Variants in ROBO1 observed in about 807,000 individuals in gnomAD.
The protein encoded by ROBO1 is roundabout guidance receptor 1, also known as roundabout homolog 1.
Under a neutral mutation model 195.9 loss-of-function variants are expected in ROBO1, and 149 were observed. That is an observed-to-expected ratio of 0.76 (90% CI 0.67 to 0.87). The LOEUF is 0.87. Among genes scored for constraint, ROBO1 ranks in the 40% least tolerant of loss-of-function variants. ROBO1 has a pLI of 0.00. For synonymous variants in ROBO1, 816 were observed against 733.2 expected (o/e 1.11, Z -1.82); for missense variants, 1,933 against 2,068.3 (o/e 0.93, Z 1.27).
intron 2 of ROBO1, among the ~76,000 whole-genome samples, chr3:79,481,771 T>C (rs925102761): frequency 2.2e-4 from 34 of 152,296 alleles, no homozygotes; most frequent in African/African-American, 7.9e-4. Flanking sequence ...AAGCTGAACA[T>C]AGTTCAGAAG....
intron 8 of ROBO1, among the ~76,000 whole-genome samples, chr3:78,701,923 T>A (rs1475552547): frequency 1.3e-5 from 2 of 152,218 alleles, no homozygotes; most frequent in African/African-American, 4.8e-5. Context: ...GTGTTTATAC[T>A]GGCACATTAT....
intron 1 of ROBO1, among the ~76,000 whole-genome samples, chr3:79,664,925 TC>T (rs1946433213): frequency 6.6e-6 from 1 of 152,146 alleles, no homozygotes; most frequent in East Asian, 1.9e-4. Context: ...TTAGATACTT[TC>T]TGTATTATGT....
chr3:79,459,713 A>G (rs2039737837), intron 2 of ROBO1, among the ~76,000 whole-genome samples: 1 of 152,122 alleles, frequency 6.6e-6, no homozygotes, highest in Admixed American at 6.5e-5. Context: ...AAAATGATCT[A>G]TATTTTAAGA....
intron 3 of ROBO1, among the ~76,000 whole-genome samples, chr3:79,104,585 A>T (rs979190120): frequency 6.6e-6 from 1 of 151,656 alleles, no homozygotes; most frequent in African/African-American, 2.4e-5. Context: ...TTTAAGATGC[A>T]TGAGTCACTT....
chr3:79,317,745 C>T (rs1336257694), intron 2 of ROBO1, among the ~76,000 whole-genome samples: 1 of 152,066 alleles, frequency 6.6e-6, no homozygotes, highest in Non-Finnish European at 1.5e-5. Context: ...AATAGTTCTT[C>T]CCTCTGGGCC....
intron 1 of ROBO1, among the ~76,000 whole-genome samples, chr3:79,742,484 C>T (rs79692718): frequency 0.024 from 3,714 of 152,112 alleles, 70 homozygotes; most frequent in Non-Finnish European, 0.036. Context: ...GATGAACAGA[C>T]GGCAAGACTC....
At chr3:79,701,193 T>G (rs937529259) in intron 1 of ROBO1, among the ~76,000 whole-genome samples, 2 of 151,804 alleles carry the variant, frequency 1.3e-5, no homozygotes, top group African/African-American at 2.4e-5. Flanking sequence ...ATGTCTGTCT[T>G]TATACTGGTA....
chr3:79,715,161 GA>G (rs1322429661), intron 1 of ROBO1, among the ~76,000 whole-genome samples: 1 of 152,018 alleles, frequency 6.6e-6, no homozygotes, highest in Non-Finnish European at 1.5e-5. Context: ...AAACACTGTT[GA>G]AATGACAACA....
chr3:79,065,415 G>A (rs893533253), intron 3 of ROBO1, among the ~76,000 whole-genome samples: 1 of 151,912 alleles, frequency 6.6e-6, no homozygotes, highest in African/African-American at 2.4e-5. Flanking sequence ...CGATCTGTGA[G>A]CATCCTTAGT....
At chr3:79,385,780 T>TA (rs891833648) in intron 2 of ROBO1, among the ~76,000 whole-genome samples, 7 of 152,068 alleles carry the variant, frequency 4.6e-5, no homozygotes, top group East Asian at 1.9e-4. Flanking sequence ...AAACATTTAA[T>TA]AAAAAAACAT....
intron 2 of ROBO1, among the ~76,000 whole-genome samples, chr3:79,328,422 A>C (rs1165185551): frequency 6.6e-6 from 1 of 152,170 alleles, no homozygotes; most frequent in Non-Finnish European, 1.5e-5. Flanking sequence ...TTTAATATTT[A>C]AAATAAAATG....
At chr3:79,428,359 AT>A (rs961788903) in intron 2 of ROBO1, among the ~76,000 whole-genome samples, 4 of 152,250 alleles carry the variant, frequency 2.6e-5, no homozygotes. Flanking sequence ...TACCTTATGC[AT>A]TCTTTTGATA....
intron 2 of ROBO1, among the ~76,000 whole-genome samples, chr3:79,488,757 A>G (rs1255096322): frequency 6.6e-6 from 1 of 152,180 alleles, no homozygotes; most frequent in Non-Finnish European, 1.5e-5. Context: ...GCAAGTTAGG[A>G]AAAAAGCAAA....
In ROBO1 at chr3:79,489,651, C is replaced by CAAAA. The variant is rs11328226; in HGVS notation, c.88+100169_88+100172dup. Among the ~76,000 whole-genome samples the CAAAA allele has an allele frequency of 2.5e-4, 22 of 88,406 alleles. 1 individual carries two copies. Among genetic ancestry groups the CAAAA allele is most frequent in the East Asian group, 8.2e-4 (2 of 2,436 alleles). The allele number at this position is 88,406 out of a possible 152,430, so 58.0% of individuals were successfully genotyped here. A position where few individuals can be genotyped will look rare whatever the true frequency, so the allele number is the denominator to read the frequency against. ...GCCTGGGGAGAGTGAGACTTCATCT[C>CAAAA]AAAAAAAAAAAAAAAAAAGAAAGAA... On this transcript the variant is annotated intron_variant, in intron 2 of 30. Coordinates refer to ENST00000464233, the MANE Select transcript of ROBO1 (RefSeq NM_002941.4).
chr3:79,406,387 C>T lies in ROBO1; in HGVS notation c.88+183437G>A, dbSNP rs556374885. Among the ~76,000 whole-genome samples, 8 of 151,432 alleles carry T rather than the reference C, an allele frequency of 5.3e-5. No homozygotes were observed. The South Asian group carries it at 8.4e-4, about 16-fold the overall frequency. The stretch of plus-strand genomic sequence containing the variant: ...GTCAATGCTACAGTGAGCTAGGTGG[C>T]GCCACTGCACCCCAGACTGGGTGGC... On this transcript the variant is annotated intron_variant, in intron 2 of 30. Transcript: ENST00000464233.
intron 2 of ROBO1, among the ~76,000 whole-genome samples, chr3:79,189,982 C>G (rs989299115): frequency 6.6e-6 from 1 of 151,632 alleles, no homozygotes; most frequent in African/African-American, 2.4e-5. Context: ...GATTTCTATA[C>G]TATACATCCC....
At chr3:78,759,757 A>G (rs928270516) in intron 4 of ROBO1, among the ~76,000 whole-genome samples, 1 of 152,074 alleles carries the variant, frequency 6.6e-6, no homozygotes, top group African/African-American at 2.4e-5. Context: ...AACATTTTCT[A>G]TTTTTGCTGC....
rs761728831 is a variant in ROBO1, at chr3:78,670,162, G to T, written c.1482C>A (p.Leu494=). The part of the protein sequence containing the change: ...PTILWRKDGV[L]VSTQDSRIKQ... ...TGATTCGAGAGTCTTGGGTTGAAAC[G>T]AGGACTCCATCCTTTCTCCACAGAA... Residue 494 remains leucine (L), a synonymous_variant, in exon 11 of 31, where the codon CTC becomes CTA. Coordinates refer to ENST00000464233, the MANE Select transcript of ROBO1 (RefSeq NM_002941.4). 2 of 1,613,154 alleles carry T rather than the reference G, an allele frequency of 1.2e-6. No homozygotes were observed. The highest frequency in any genetic ancestry group is 3.3e-5 in the Admixed American group (2 of 59,888).
At chr3:79,523,988 CATT>C (rs1358047881) in intron 2 of ROBO1, among the ~76,000 whole-genome samples, 1 of 151,964 alleles carries the variant, frequency 6.6e-6, no homozygotes, top group African/African-American at 2.4e-5. Context: ...TGGAATTTAT[CATT>C]ATGAGAAAGT....
Sources: allele counts gnomAD v4.1 joint callset (sites outside exome capture counted in the v4.1 genomes callset), GRCh38; gene constraint gnomAD v4.1.1; transcripts MANE v1.5; gene names NCBI Gene and HGNC (gene_info 2026-07-23, HGNC 2026-07-21).